The following TBC1D1 variants were observed in gnomAD, a reference collection of about 807,000 sequenced individuals.
TBC1D1 encodes the protein TBC1 domain family member 1.
In TBC1D1, 89 loss-of-function variants were observed where a neutral mutation model predicts 125.6. The ratio of observed to expected loss-of-function variants is 0.71; its 90% CI spans 0.60 to 0.85. The LOEUF (loss-of-function observed/expected upper bound fraction) is 0.85. Ranked by LOEUF, TBC1D1 falls within the 40% of genes least tolerant of loss-of-function variation. The probability of loss-of-function intolerance (pLI) is 0.00; values close to 1 mark genes in which losing one functional copy is unlikely to be tolerated. For synonymous variants in TBC1D1, 565 were observed against 564.1 expected, an observed-to-expected ratio of 1.00 and a Z score of -0.02; for missense variants, 1,377 against 1,469.2, an observed-to-expected ratio of 0.94 and a Z score of 1.03.
intron 2 of TBC1D1, among the ~76,000 whole-genome samples, chr4:37,998,823 A>C (rs1738392471): frequency 6.6e-6 from 1 of 152,232 alleles, no homozygotes; most frequent in African/African-American, 2.4e-5. Context: ...GATGCCTGAG[A>C]TATTGTATTA....
intron 6 of TBC1D1, among the ~76,000 whole-genome samples, chr4:38,025,971 C>T (rs1745002959): frequency 6.6e-6 from 1 of 151,956 alleles, no homozygotes; most frequent in Non-Finnish European, 1.5e-5. Flanking sequence ...TCAGGGAGGG[C>T]AGTGGAGCAG....
chr4:38,096,002 A>G lies in TBC1D1; in HGVS notation c.2310A>G (p.Val770=). The change falls in exon 14 of 20, where the codon GTA becomes GTG. Residue 770 remains valine, a synonymous_variant. Transcript: ENST00000261439. ...AAATTACTCCCTGTCTTAAAGAAGT[A>G]ACTACAGTGTGGGAAAAGATGCTTA... The G allele has an allele frequency of 6.2e-7, 1 of 1,614,050 alleles. No individual in the cohort carries two copies. Among genetic ancestry groups the G allele is most frequent in the Non-Finnish European group, 8.5e-7 (1 of 1,179,936 alleles).
At chr4:38,017,815 T>G (rs1364951) in intron 3 of TBC1D1, among the ~76,000 whole-genome samples, 15,757 of 152,184 alleles carry the variant, frequency 0.1, 895 homozygotes, top group South Asian at 0.16. Flanking sequence ...GGTTGGGTAT[T>G]GCAACACAGC....
chr4:38,114,205 T>G (rs1762601218), intron 15 of TBC1D1, among the ~76,000 whole-genome samples: 2 of 152,100 alleles, frequency 1.3e-5, no homozygotes, highest in African/African-American at 4.8e-5. Flanking sequence ...AGTGGATAAT[T>G]TGTTCTTTGA....
chr4:38,024,891 A>G (rs1744772491), intron 6 of TBC1D1, among the ~76,000 whole-genome samples: 1 of 152,192 alleles, frequency 6.6e-6, no homozygotes, highest in Non-Finnish European at 1.5e-5. Flanking sequence ...CTTAATCAGT[A>G]AGTGTAGTTA....
chr4:38,030,401 G>C (rs1388184545), intron 7 of TBC1D1: 1 of 152,214 alleles, frequency 6.6e-6, no homozygotes, highest in Non-Finnish European at 1.5e-5. Flanking sequence ...AGACACCAAA[G>C]GGAGGTTGTA....
chr4:38,089,978 A>G lies in TBC1D1; in HGVS notation c.2097A>G (p.Pro699=). 2.5e-6 allele frequency: 4 copies of G among 1,613,764 alleles called. No homozygotes were observed. Among genetic ancestry groups the G allele is most frequent in the Non-Finnish European group, 3.4e-6 (4 of 1,179,888 alleles). ...TTCCCCCACGATCTCCTTTAGAACC[A>G]GTTTGTGAAGATGGGCCCTTTGGCC... The change falls in exon 13 of 20, where the codon CCA becomes CCG. Residue 699 remains proline, a synonymous_variant. Transcript: ENST00000261439.
At chr4:37,967,236 T>C (rs1019990134) in intron 2 of TBC1D1, among the ~76,000 whole-genome samples, 1 of 152,236 alleles carries the variant, frequency 6.6e-6, no homozygotes, top group African/African-American at 2.4e-5. Flanking sequence ...GGCTCACATC[T>C]GTAATCCCTG....
At chr4:38,088,481 A>G (rs1187291990) in intron 12 of TBC1D1, among the ~76,000 whole-genome samples, 2 of 152,220 alleles carry the variant, frequency 1.3e-5, no homozygotes, top group Admixed American at 6.5e-5. Flanking sequence ...GCTATTTCTC[A>G]GGCACCTGCT....
intron 12 of TBC1D1, among the ~76,000 whole-genome samples, chr4:38,059,003 TCAAA>T (rs1020124726): frequency 7.2e-5 from 11 of 152,228 alleles, no homozygotes; most frequent in Admixed American, 6.5e-4. Context: ...CAAAATTGTC[TCAAA>T]CAAAATTAGT....
chr4:38,084,170 A>G (rs1435746554), intron 12 of TBC1D1, among the ~76,000 whole-genome samples: 3 of 152,094 alleles, frequency 2.0e-5, no homozygotes, highest in Non-Finnish European at 2.9e-5. Context: ...TCCTGACCTC[A>G]TGATCTGCCC....
chr4:38,044,290 C>G (rs1578404823), intron 8 of TBC1D1, 72 bp from the exon 9 acceptor site: 1 of 1,519,434 alleles, frequency 6.6e-7, no homozygotes, highest in East Asian at 2.3e-5. Flanking sequence ...AAGATGTGTC[C>G]TAGAGATTTT....
intron 2 of TBC1D1, among the ~76,000 whole-genome samples, chr4:37,973,763 T>C (rs1483920628): frequency 1.3e-5 from 2 of 152,232 alleles, no homozygotes; most frequent in Admixed American, 1.3e-4. Flanking sequence ...TTTGGCTGCT[T>C]TCTCCAGGGC....
Position 37,977,521 on chromosome 4 carries a change from G to T in TBC1D1, c.418-36988G>T, listed in dbSNP as rs1733418339. On this transcript the variant is annotated intron_variant, in intron 2 of 19. Transcript: ENST00000261439. This position sits in a 1 kb window ranked among gnomAD's most constrained non-coding sequence, Gnocchi z 4.3. ...CGCGATGTCACCATTGTTCAGCTGG[G>T]TGGCCAAGGTAGGCGGCGTCGGGCG... 2.3e-5 allele frequency: 23 copies of T among 991,106 alleles called. No homozygotes were observed. The highest frequency in any genetic ancestry group is 2.7e-5 in the Non-Finnish European group (22 of 824,178). The allele number at this position is 991,106 out of a possible 1,614,324, so 61.4% of individuals were successfully genotyped here.
At chr4:38,107,828 A>T (rs557440847) in intron 15 of TBC1D1, among the ~76,000 whole-genome samples, 5 of 152,050 alleles carry the variant, frequency 3.3e-5, no homozygotes, top group African/African-American at 1.2e-4. Context: ...GAGTTCTGGA[A>T]CCCAGGTCTC....
At chr4:37,972,505 A>G (rs1177710869) in intron 2 of TBC1D1, among the ~76,000 whole-genome samples, 1 of 146,376 alleles carries the variant, frequency 6.8e-6, no homozygotes, top group African/African-American at 2.5e-5. Context: ...AAAAAAGATT[A>G]CTGATGCCCA....
At chr4:38,107,645 G>A (rs1761569296) in intron 15 of TBC1D1, among the ~76,000 whole-genome samples, 1 of 120,570 alleles carries the variant, frequency 8.3e-6, no homozygotes, top group African/African-American at 3.3e-5. Flanking sequence ...TAGGCCTCAT[G>A]GCTGGGTCGT....
intron 17 of TBC1D1, chr4:38,120,096 G>A (rs747066164): frequency 4.1e-6 from 4 of 985,316 alleles, no homozygotes; most frequent in South Asian, 4.7e-5. Context: ...AATCAAAGCT[G>A]CAGCTTGTAA....
intron 12 of TBC1D1, among the ~76,000 whole-genome samples, chr4:38,074,393 G>A (rs990331457): frequency 6.6e-6 from 1 of 152,200 alleles, no homozygotes; most frequent in South Asian, 2.1e-4. Flanking sequence ...AGCGACGAGT[G>A]CAGTGAGGTG....
Sources: gnomAD v4.1 joint callset for allele counts (sites outside exome capture counted in the v4.1 genomes callset) on GRCh38, gnomAD v4.1.1 for gene constraint, Gnocchi (gnomAD v3.1) non-coding constraint, MANE v1.5 for transcripts, NCBI Gene and HGNC (gene_info 2026-07-23, HGNC 2026-07-21) for gene names.